The following PDE1C variants were observed in gnomAD, a reference collection of about 807,000 sequenced individuals.
The protein encoded by PDE1C is dual specificity calcium/calmodulin-dependent 3',5'-cyclic nucleotide phosphodiesterase 1C.
In PDE1C, 62 loss-of-function variants were observed where a neutral mutation model predicts 93.1. That is an observed-to-expected ratio of 0.67 (90% confidence interval 0.54 to 0.82). PDE1C has a LOEUF of 0.82. Among genes scored for constraint, PDE1C ranks in the 40% least tolerant of loss-of-function variants. The pLI, the probability that PDE1C is intolerant of heterozygous loss-of-function variation, is 0.00. For synonymous variants in PDE1C, 325 were observed against 310.1 expected (o/e 1.05, Z -0.50); for missense variants, 742 against 884.6 (o/e 0.84, Z 2.04).
At chr7:32,027,044 GTT>G (rs1396810511) in intron 2 of PDE1C, among the ~76,000 whole-genome samples, 1 of 152,096 alleles carries the variant, frequency 6.6e-6, no homozygotes, top group African/African-American at 2.4e-5. Context: ...AGCACAGAGA[GTT>G]TTCAGGGCAG....
In PDE1C at chr7:32,013,402, T is replaced by C. The variant is rs537151845; in HGVS notation, c.128+38152A>G. ...TTTACTTTCTGCAGAAAGGTACACT[T>C]GCCAGCAGTTTTGCCACAAGAATAC... is the stretch of plus-strand genomic sequence containing the variant. On this transcript the variant is annotated intron_variant, in intron 2 of 17. Coordinates refer to ENST00000396191, the MANE Select transcript of PDE1C (RefSeq NM_001191057.4). Among the ~76,000 whole-genome samples the C allele has an allele frequency of 7.9e-5, 12 of 152,316 alleles. No individual in the cohort carries two copies. The South Asian group carries it at 1.7e-3, about 21-fold the overall frequency.
chr7:31,971,397 G>C lies in PDE1C; in HGVS notation c.128+80157C>G, dbSNP rs143050724. On this transcript the variant is annotated intron_variant, in intron 2 of 17. Transcript: ENST00000396191. The stretch of plus-strand genomic sequence containing the variant: ...CAGCTTTGCTGCTTGCTAGCCATGT[G>C]ATCTTGAGTGAGTTATTTAGTCATG... 6.2e-4 allele frequency among the ~76,000 whole-genome samples: 95 copies of C among 152,256 alleles called. No individual in the cohort carries two copies. The East Asian group carries it at 0.012, about 19-fold the overall frequency.
chr7:32,413,973 G>A (rs1387965642), intron 1 of PDE1C, among the ~76,000 whole-genome samples: 1 of 152,114 alleles, frequency 6.6e-6, no homozygotes, highest in East Asian at 1.9e-4. Flanking sequence ...AGTACTTTCA[G>A]AGGCTGAGGC....
At chr7:31,920,224 C>A (rs1357037709) in intron 2 of PDE1C, among the ~76,000 whole-genome samples, 1 of 152,166 alleles carries the variant, frequency 6.6e-6, no homozygotes, top group Non-Finnish European at 1.5e-5. Context: ...TGTTTGCTAC[C>A]AGTATACCAT....
intron 2 of PDE1C, among the ~76,000 whole-genome samples, chr7:31,959,356 G>C (rs1344708257): frequency 6.6e-6 from 1 of 152,048 alleles, no homozygotes; most frequent in Non-Finnish European, 1.5e-5. Context: ...AGGATTATAA[G>C]TGTGCACAAC....
chr7:31,829,287 T>C (rs576276391), intron 11 of PDE1C, among the ~76,000 whole-genome samples: 1 of 152,140 alleles, frequency 6.6e-6, no homozygotes, highest in Non-Finnish European at 1.5e-5. Context: ...TAGTAATCTC[T>C]ACCTCATAGG....
upstream of PDE1C, among the ~76,000 whole-genome samples, chr7:32,302,783 A>G (rs1327333455): frequency 6.6e-6 from 1 of 152,210 alleles, no homozygotes; most frequent in Non-Finnish European, 1.5e-5. Context: ...TAGAGAGAAG[A>G]CAGCTCCTCA....
intron 3 of PDE1C, among the ~76,000 whole-genome samples, chr7:32,147,963 T>G (rs1800998428): frequency 8.1e-6 from 1 of 124,074 alleles, no homozygotes; most frequent in African/African-American, 3.2e-5. Context: ...CCCTGGAACT[T>G]GCCTCTCAAC....
intron 2 of PDE1C, among the ~76,000 whole-genome samples, chr7:31,949,137 C>T (rs1309423909): frequency 2.0e-5 from 3 of 152,042 alleles, no homozygotes; most frequent in African/African-American, 7.2e-5. Context: ...TTTTTTAGTC[C>T]AATATGTTAT....
At chr7:31,852,337 A>G (rs1562921821) in intron 7 of PDE1C, among the ~76,000 whole-genome samples, 1 of 152,222 alleles carries the variant, frequency 6.6e-6, no homozygotes, top group Non-Finnish European at 1.5e-5. Flanking sequence ...TCAATAATAT[A>G]CCTCAAAAAC....
chr7:32,349,828 C>T (rs1005990927), intron 1 of PDE1C, among the ~76,000 whole-genome samples: 1 of 152,050 alleles, frequency 6.6e-6, no homozygotes, highest in African/African-American at 2.4e-5. Context: ...CAGGGTTTCA[C>T]CCATATTAGC....
chr7:31,715,755 T>C, the PDE1C span, among the ~76,000 whole-genome samples: 1 of 152,178 alleles, frequency 6.6e-6, no homozygotes, highest in Non-Finnish European at 1.5e-5. Flanking sequence ...CTGTGCATCT[T>C]AGAGTTCTGA....
chr7:32,277,150 G>A (rs917660652), intron 1 of PDE1C, among the ~76,000 whole-genome samples: 16 of 152,316 alleles, frequency 1.1e-4, no homozygotes, highest in Non-Finnish European at 1.8e-4. Flanking sequence ...CCAGGAGGCT[G>A]AAGTGGGAGA....
intron 2 of PDE1C, among the ~76,000 whole-genome samples, chr7:31,915,490 G>C (rs1465826189): frequency 6.6e-6 from 1 of 152,124 alleles, no homozygotes; most frequent in Non-Finnish European, 1.5e-5. Flanking sequence ...TGACAAAATT[G>C]GCCTAGACTG....
upstream of PDE1C, among the ~76,000 whole-genome samples, chr7:32,302,866 T>C (rs1812912807): frequency 6.6e-6 from 1 of 152,208 alleles, no homozygotes; most frequent in Admixed American, 6.5e-5. Context: ...CAACAGCCAA[T>C]AGTCCAAGAA....
intron 1 of PDE1C, among the ~76,000 whole-genome samples, chr7:32,402,298 G>A (rs1191864500): frequency 6.6e-6 from 1 of 152,046 alleles, no homozygotes; most frequent in East Asian, 1.9e-4. Context: ...TATGGAGACT[G>A]AGAAGATCCA....
intron 2 of PDE1C, among the ~76,000 whole-genome samples, chr7:31,983,125 C>T (rs1046816823): frequency 6.6e-6 from 1 of 152,196 alleles, no homozygotes; most frequent in Non-Finnish European, 1.5e-5. Context: ...ATGTAACTAT[C>T]CTTGTCATAC....
intron 3 of PDE1C, among the ~76,000 whole-genome samples, chr7:32,112,826 GTGTGTGTGTGTGTGTGTGTGTA>G (rs1344567980): frequency 0.012 from 1,422 of 116,900 alleles, 13 homozygotes; most frequent in African/African-American, 0.022. Context: ...GTGTGTGTGT[GTGTGTGTGTGTGTGTGTGTGTA>G]TATATATATA....
At chr7:32,104,990 CT>C (rs1391505993) in intron 3 of PDE1C, among the ~76,000 whole-genome samples, 2 of 152,148 alleles carry the variant, frequency 1.3e-5, no homozygotes, top group Non-Finnish European at 2.9e-5. Flanking sequence ...CTCCAAGAAC[CT>C]GCCAAAGTCC....
Sources: gnomAD v4.1 joint callset for allele counts (sites outside exome capture counted in the v4.1 genomes callset) on GRCh38, gnomAD v4.1.1 for gene constraint, MANE v1.5 for transcripts, NCBI Gene and HGNC (gene_info 2026-07-23, HGNC 2026-07-21) for gene names.